ZNF763: variants seen among roughly 807,000 people sequenced by gnomAD.
The protein encoded by ZNF763 is DNA-binding protein.
ZNF763 carries 33 observed loss-of-function variants against 38.0 expected under a neutral mutation model. The observed-to-expected ratio is 0.87, with a 90% CI of 0.66 to 1.16. The LOEUF (loss-of-function observed/expected upper bound fraction) is 1.16. Ranked by LOEUF, ZNF763 falls within the 50% of genes most tolerant of loss-of-function variation. ZNF763 has a pLI of 0.00. For synonymous variants in ZNF763, 155 were observed against 160.1 expected, an observed-to-expected ratio of 0.97 and a Z score of 0.24; for missense variants, 423 against 469.1, an observed-to-expected ratio of 0.90 and a Z score of 0.91.
In ZNF763 at chr19:11,976,839, T is replaced by C. The variant is rs116215473; in HGVS notation, c.4-199T>C. The C allele has an allele frequency of 3.8e-4, 537 of 1,407,584 alleles. 3 individuals are homozygous for C. In the African/African-American group the frequency reaches 7.0e-3, roughly 18 times the overall value. 87.2% of individuals were successfully genotyped at this position (1,407,584 alleles called of 1,614,324 possible). On this transcript the variant is annotated intron_variant, in intron 1 of 3. Coordinates refer to ENST00000358987, the MANE Select transcript of ZNF763 (RefSeq NM_001367172.2). Reference sequence around the variant, plus strand: ...ATTATACTCCAGCCTGGGCAACAAGTTGTTGTTTTGAAAATCCATCTCAAA... The same window carrying C: ...ATTATACTCCAGCCTGGGCAACAAGCTGTTGTTTTGAAAATCCATCTCAAA...
chr19:11,976,900 C>T, intron 1 of ZNF763, 138 bp from the exon 2 acceptor site: 2 of 1,524,696 alleles, frequency 1.3e-6, no homozygotes, highest in African/African-American at 1.4e-5. Flanking sequence ...GAAGAAAGTA[C>T]AGAAAGCGAG....
Position 11,978,464 on chromosome 19 carries a change from C to A in ZNF763, c.540C>A (p.Thr180=). The part of the protein sequence containing the change: ...KPYACKECGK[T]FISHSGIRRR... Reference sequence around the variant, plus strand: ...ATGCTTGTAAAGAATGTGGAAAAACCTTTATTTCCCATTCAGGCATTCGAA... The same window carrying A: ...ATGCTTGTAAAGAATGTGGAAAAACATTTATTTCCCATTCAGGCATTCGAA... The change falls in exon 4 of 4, where the codon ACC becomes ACA. Residue 180 remains threonine (T), a synonymous_variant. Coordinates refer to ENST00000358987, the MANE Select transcript of ZNF763 (RefSeq NM_001367172.2). The A allele has an allele frequency of 6.2e-7, 1 of 1,614,144 alleles. No homozygotes were observed. The highest frequency in any genetic ancestry group is 1.1e-5 in the South Asian group (1 of 91,082).
chr19:11,976,767 G>A, intron 1 of ZNF763: 1 of 756,260 alleles, frequency 1.3e-6, no homozygotes, highest in Non-Finnish European at 1.8e-6. Context: ...TCGGGAGGCT[G>A]AGGCAGGAGA....
rs1359127074 is a variant in ZNF763 at position 11,977,176 on chromosome 19, A to G, written c.130+12A>G. The G allele has an allele frequency of 3.7e-6, 6 of 1,613,802 alleles. No homozygotes were observed. Among genetic ancestry groups the G allele is most frequent in the Non-Finnish European group, 5.1e-6 (6 of 1,179,888 alleles). On this transcript the variant is annotated intron_variant, in intron 2 of 3. Transcript: ENST00000358987. ...CCTGACCTCTATAGGTAAGGATGAC[A>G]ATATTCCTTCCCTCAGTCCATTAGT...
intron 1 of ZNF763, among the ~76,000 whole-genome samples, chr19:11,976,621 C>A (rs1973496625): frequency 6.8e-6 from 1 of 148,054 alleles, no homozygotes; most frequent in African/African-American, 2.5e-5. Flanking sequence ...AATTTCAGCA[C>A]TTTGGGAGGC....
intron 1 of ZNF763, among the ~76,000 whole-genome samples, chr19:11,976,560 A>C (rs2145342276): frequency 6.7e-6 from 1 of 149,458 alleles, no homozygotes; most frequent in East Asian, 2.0e-4. Context: ...TGTCTCAAAA[A>C]AAAAAAAAAA....
chr19:11,971,007 A>G (rs1973339908), intron 1 of ZNF763, among the ~76,000 whole-genome samples: 1 of 152,154 alleles, frequency 6.6e-6, no homozygotes, highest in Non-Finnish European at 1.5e-5. Flanking sequence ...CTGTCCTTCC[A>G]TCTCTCTGTT....
At chr19:11,974,098 TTTCTTTCTTTCTTTCTTTC>T (rs1352712433) in intron 1 of ZNF763, among the ~76,000 whole-genome samples, 1 of 94,926 alleles carries the variant, frequency 1.1e-5, no homozygotes, top group Admixed American at 1.1e-4. Context: ...TCTTTCTTTC[TTTCTTTCTTTCTTTCTTTC>T]TTTCTTTCTT....
chr19:11,974,550 G>T (rs988200464), intron 1 of ZNF763, among the ~76,000 whole-genome samples: 9 of 135,462 alleles, frequency 6.6e-5, no homozygotes, highest in Non-Finnish European at 1.4e-4. Flanking sequence ...TCATATGTTT[G>T]TTTGACATAA....
chr19:11,974,125 CT>C (rs375666401), intron 1 of ZNF763, among the ~76,000 whole-genome samples: 16,553 of 58,360 alleles, frequency 0.28, 1,096 homozygotes, highest in African/African-American at 0.36. Flanking sequence ...TTCTTTCTTT[CT>C]TTTCTTTCTT....
At chr19:11,969,135 C>T (rs1050019973) in intron 1 of ZNF763, among the ~76,000 whole-genome samples, 10 of 152,174 alleles carry the variant, frequency 6.6e-5, no homozygotes, top group Non-Finnish European at 1.3e-4. Flanking sequence ...GACAGGGTCT[C>T]ACTCTGTCGG....
intron 1 of ZNF763, among the ~76,000 whole-genome samples, chr19:11,967,735 A>G (rs183607266): frequency 1.3e-5 from 2 of 152,326 alleles, no homozygotes; most frequent in Admixed American, 1.3e-4. Flanking sequence ...GAAAAAAGAA[A>G]AAGAAGGAAT....
At chr19:11,977,474 T>C in intron 3 of ZNF763, 43 bp downstream of exon 3, 1 of 1,597,924 alleles carries the variant, frequency 6.3e-7, no homozygotes, top group Non-Finnish European at 8.6e-7. Flanking sequence ...TAGATGATTT[T>C]AGTATATGAT....
Position 11,977,106 on chromosome 19 carries a change from G to A in ZNF763, c.72G>A (p.Ser24=), listed in dbSNP as rs376310072. Residue 24 remains serine, a synonymous_variant, in exon 2 of 4, where the codon TCG becomes TCA. Coordinates refer to ENST00000358987, the MANE Select transcript of ZNF763 (RefSeq NM_001367172.2). ...TQEEWALLDI[S]QRKLYREVML... is the part of the protein sequence containing the mutation. ...AGGAGTGGGCTTTGCTGGATATTTC[G>A]CAGAGGAAACTCTACAGGGAAGTGA... The A allele has an allele frequency of 1.7e-5, 27 of 1,603,678 alleles. No individual in the cohort carries two copies. Among genetic ancestry groups the A allele is most frequent in the South Asian group, 1.4e-4 (13 of 90,964 alleles).
intron 1 of ZNF763, among the ~76,000 whole-genome samples, chr19:11,974,154 CT>C (rs1973430588): frequency 2.7e-5 from 3 of 112,130 alleles, no homozygotes; most frequent in African/African-American, 1.4e-4. Context: ...TTCTTTCTTT[CT>C]TTCCTTCCTT....
Position 11,976,972 on chromosome 19 carries a change from A to G in ZNF763, c.4-66A>G, listed in dbSNP as rs1314139516. ...TGGAGTCCACGGCAACTTCTTGGGA[A>G]TAGAGTCTAGGCCCCCACTGCTGTC... On this transcript the variant is annotated intron_variant, in intron 1 of 3. Transcript: ENST00000358987. The G allele has an allele frequency of 5.0e-6, 8 of 1,592,820 alleles. No individual in the cohort carries two copies. In the Admixed American group the frequency reaches 5.7e-5, roughly 11 times the overall value.
Position 11,978,598 on chromosome 19 carries a change from A to G in ZNF763, c.674A>G (p.Glu225Gly). ...ATCCATGAAAGAACTCACACTGGAG[A>G]GAAACCGTATGAATGTAAACAATGT... ...YLIHERTHTG[E>G]KPYECKQCVK... Residue 225 changes from glutamate to glycine, a missense_variant, in exon 4 of 4, where the codon GAG (glutamate) becomes GGG (glycine). By Grantham distance (98) the Glu-to-Gly change is moderately conservative. Transcript: ENST00000358987. 4 of 1,614,214 alleles carry G rather than the reference A, an allele frequency of 2.5e-6. No homozygotes were observed. The highest frequency in any genetic ancestry group is 3.4e-6 in the Non-Finnish European group (4 of 1,180,012).
Position 11,978,359 on chromosome 19 carries a change from G to C in ZNF763, c.435G>C (p.Lys145Asn), listed in dbSNP as rs368204344. 1.2e-6 allele frequency: 2 copies of C among 1,614,052 alleles called. No individual in the cohort carries two copies. Among genetic ancestry groups the C allele is most frequent in the African/African-American group, 2.7e-5 (2 of 74,940 alleles). Residue 145 changes from lysine to asparagine, a missense_variant, in exon 4 of 4, where the codon AAG (lysine) becomes AAC (asparagine). Coordinates refer to ENST00000358987, the MANE Select transcript of ZNF763 (RefSeq NM_001367172.2). The stretch of plus-strand genomic sequence containing the variant: ...AGGACTATGCACCAAAGCCATATAA[G>C]TGTCAACAACCTAAGAAAGCCTTCA... The part of the protein sequence containing the change: ...EYQDYAPKPY[K>N]CQQPKKAFRY...
In ZNF763 at chr19:11,979,645, G is replaced by T; in HGVS notation, c.*536G>T. On this transcript the variant is annotated 3_prime_UTR_variant, in exon 4 of 4. Transcript: ENST00000358987. ...AACCCTATGAGTGTAAGCAATGTGG[G>T]AAAGCCTTCAGATCTGCCTCAATCC... 1 of 1,603,788 alleles carries T rather than the reference G, an allele frequency of 6.2e-7. No homozygotes were observed. Among genetic ancestry groups the T allele is most frequent in the Non-Finnish European group, 8.5e-7 (1 of 1,173,036 alleles).
Sources: allele counts gnomAD v4.1 joint callset (sites outside exome capture counted in the v4.1 genomes callset), GRCh38; gene constraint gnomAD v4.1.1; transcripts MANE v1.5; gene names NCBI Gene and HGNC (gene_info 2026-07-23, HGNC 2026-07-21).